CYP2F1: variants seen among roughly 807,000 people sequenced by gnomAD.
The protein encoded by CYP2F1 is cytochrome P450 2F1.
Under a neutral mutation model 40.4 loss-of-function variants are expected in CYP2F1, and 33 were observed. The ratio of observed to expected loss-of-function variants is 0.82; its 90% CI spans 0.62 to 1.09. The LOEUF (loss-of-function observed/expected upper bound fraction) is 1.09. Among genes scored for constraint, CYP2F1 ranks in the 50% least tolerant of loss-of-function variants. The pLI is 0.00. For missense variants in CYP2F1, 566 were observed against 655.7 expected (o/e 0.86, Z 1.49); for synonymous variants, 235 against 277.2 (o/e 0.85, Z 1.51).
chr19:41,123,050 T>C (rs1394559312), intron 7 of CYP2F1, 87 bp downstream of exon 7: 1 of 1,445,634 alleles, frequency 6.9e-7, no homozygotes, highest in Non-Finnish European at 9.5e-7. Context: ...GCCTCCCAGG[T>C]CTGATATAGC....
rs1339055642 is a variant in CYP2F1, at chr19:41,121,617, A to G, written c.644A>G (p.Glu215Gly). 4 of 1,609,222 alleles carry G rather than the reference A, an allele frequency of 2.5e-6. No individual in the cohort carries two copies. Among genetic ancestry groups the G allele is most frequent in the East Asian group, 2.2e-5 (1 of 44,660 alleles). Residue 215 changes from glutamate to glycine, a missense_variant and splice_region_variant, in exon 5 of 10, where the codon GAG (glutamate) becomes GGG (glycine). Around this residue, in one of 5 missense-constraint regions of CYP2F1, gnomAD observed 264 missense variants for 275.7 expected, o/e 0.96. Coordinates refer to ENST00000331105, the MANE Select transcript of CYP2F1 (RefSeq NM_000774.5). ...CAAATCATGAGCAGCCCCTGGGGCGAGGTCAGCCAACTGAGTCCAGCAGGG... is the reference window on the plus strand; with the variant it reads ...CAAATCATGAGCAGCCCCTGGGGCGGGGTCAGCCAACTGAGTCCAGCAGGG... ...NFQIMSSPWG[E>G]LYDIFPSLLD...
rs2032459940 is a variant in CYP2F1, at chr19:41,124,829, T to G, written c.1075T>G (p.Phe359Val). 6.2e-7 allele frequency: 1 copy of G among 1,611,766 alleles called. No individual in the cohort carries two copies. Among genetic ancestry groups the G allele is most frequent in the Admixed American group, 1.7e-5 (1 of 59,954 alleles). Reference sequence around the variant, plus strand: ...CGCGGTGATCCACGAGGTGCAGCGCTTTGCAGACATCATCCCCATGAACTT... The same window carrying G: ...CGCGGTGATCCACGAGGTGCAGCGCGTTGCAGACATCATCCCCATGAACTT... ...TDAVIHEVQR[F>V]ADIIPMNLPH... The change falls in exon 8 of 10, where the codon TTT becomes GTT. Residue 359 changes from phenylalanine to valine, a missense_variant. Transcript: ENST00000331105.
chr19:41,122,699 C>G (rs1283312756), intron 6 of CYP2F1, 123 bp from the exon 7 acceptor site: 52 of 1,019,616 alleles, frequency 5.1e-5, no homozygotes, highest in Non-Finnish European at 6.8e-5. Context: ...CGTTCCCCAG[C>G]TCTCCCAGGG....
rs754800628 is a variant in CYP2F1, at chr19:41,128,013, C to A, written c.1407C>A (p.Asp469Glu). Reference protein sequence around the residue: ...LQPLGAPEDIDLTPLSSGLGN... With the variant: ...LQPLGAPEDIELTPLSSGLGN... ...CGCTGGGTGCGCCCGAGGACATCGA[C>A]CTGACCCCACTCAGCTCAGGTCTTG... The change falls in exon 10 of 10, where the codon GAC becomes GAA. Residue 469 changes from aspartate (D) to glutamate (E), a missense_variant. By Grantham distance (45) the Asp-to-Glu change is conservative. Coordinates refer to ENST00000331105, the MANE Select transcript of CYP2F1 (RefSeq NM_000774.5). 6.0e-5 allele frequency: 96 copies of A among 1,613,118 alleles called. No homozygotes were observed. Among genetic ancestry groups the A allele is most frequent in the Non-Finnish European group, 5.9e-6 (7 of 1,180,018 alleles).
chr19:41,114,850 A>G (rs2031698567), intron 1 of CYP2F1, among the ~76,000 whole-genome samples: 1 of 133,920 alleles, frequency 7.5e-6, no homozygotes. Context: ...GCTCACTGCA[A>G]CCTCCACCTC....
intron 8 of CYP2F1, 191 bp downstream of exon 8, chr19:41,125,097 A>G: frequency 1.7e-6 from 1 of 593,184 alleles, no homozygotes; most frequent in Non-Finnish European, 2.9e-6. Context: ...ACCCCATCTC[A>G]TATCATAGTG....
intron 7 of CYP2F1, 49 bp from the exon 8 acceptor site, chr19:41,124,670 C>A: frequency 6.5e-7 from 1 of 1,546,926 alleles, no homozygotes; most frequent in Non-Finnish European, 8.7e-7. Flanking sequence ...CCTGGTTGCC[C>A]TGTCGCGCCC....
chr19:41,127,146 C>T (rs2144764679), intron 9 of CYP2F1, among the ~76,000 whole-genome samples: 1 of 152,256 alleles, frequency 6.6e-6, no homozygotes, highest in East Asian at 1.9e-4. Context: ...TATGTTACTC[C>T]ACTTCTCTGT....
chr19:41,114,698 C>G (rs974076833), intron 1 of CYP2F1, among the ~76,000 whole-genome samples: 2 of 152,044 alleles, frequency 1.3e-5, no homozygotes, highest in Admixed American at 6.6e-5. Flanking sequence ...CAATGCAACC[C>G]CATGGTTGGC....
chr19:41,126,782 T>TA (rs1369423654), intron 9 of CYP2F1, among the ~76,000 whole-genome samples: 1 of 151,608 alleles, frequency 6.6e-6, no homozygotes, highest in Non-Finnish European at 1.5e-5. Context: ...TAGCCAAAAA[T>TA]AAAAAATATA....
chr19:41,121,403 G>A, intron 4 of CYP2F1, 55 bp from the exon 5 acceptor site: 3 of 1,537,666 alleles, frequency 2.0e-6, no homozygotes, highest in Non-Finnish European at 2.7e-6. Context: ...TGCTGCATGA[G>A]GTCTGGTGTG....
At chr19:41,122,525 C>T (rs2032281474) in intron 6 of CYP2F1, among the ~76,000 whole-genome samples, 1 of 151,762 alleles carries the variant, frequency 6.6e-6, no homozygotes, top group South Asian at 2.1e-4. Context: ...TACACACACA[C>T]ATACACACAT....
intron 3 of CYP2F1, among the ~76,000 whole-genome samples, chr19:41,118,580 A>G (rs1374458313): frequency 6.6e-6 from 1 of 152,198 alleles, no homozygotes; most frequent in African/African-American, 2.4e-5. Context: ...CACCAGATGC[A>G]AAGAGGTGGA....
chr19:41,121,146 C>T (rs2032172694), intron 4 of CYP2F1, among the ~76,000 whole-genome samples: 1 of 151,942 alleles, frequency 6.6e-6, no homozygotes, highest in Admixed American at 6.6e-5. Flanking sequence ...TGTTGTGTTC[C>T]GTGATGCCTG....
chr19:41,121,369 G>A (rs1361787462), intron 4 of CYP2F1, 89 bp from the exon 5 acceptor site: 22 of 1,321,700 alleles, frequency 1.7e-5, no homozygotes, highest in Middle Eastern at 1.9e-4. Context: ...TGGTTGAGTC[G>A]GATGTTGTAC....
chr19:41,115,185 CT>C (rs1323151117), intron 1 of CYP2F1, among the ~76,000 whole-genome samples: 3 of 152,130 alleles, frequency 2.0e-5, no homozygotes, highest in African/African-American at 4.8e-5. Flanking sequence ...GTGACTCTGT[CT>C]TTGTGTATCT....
At chr19:41,124,659 G>A in intron 7 of CYP2F1, 60 bp from the exon 8 acceptor site, 1 of 1,486,612 alleles carries the variant, frequency 6.7e-7, no homozygotes, top group Non-Finnish European at 9.1e-7. Flanking sequence ...CCTCTTATCA[G>A]CCTGGTTGCC....
chr19:41,122,948 T>C lies in CYP2F1; in HGVS notation c.949T>C (p.Tyr317His), dbSNP rs2032316705. The part of the protein sequence containing the change: ...LHHAFLALMK[Y>H]PKVQARVQEE... ...CCACGCCTTCCTGGCACTCATGAAG[T>C]ACCCAAAAGTTCAAGGTGAGGCCCA... is the stretch of plus-strand genomic sequence containing the variant. The change falls in exon 7 of 10, where the codon TAC (tyrosine) becomes CAC (histidine). Residue 317 changes from tyrosine (Y) to histidine (H), a missense_variant. Tyr to His is a moderately conservative substitution (Grantham distance 83). Coordinates refer to ENST00000331105, the MANE Select transcript of CYP2F1 (RefSeq NM_000774.5). The C allele has an allele frequency of 2.5e-6, 4 of 1,613,184 alleles. No homozygotes were observed. Among genetic ancestry groups the C allele is most frequent in the Non-Finnish European group, 2.5e-6 (3 of 1,179,614 alleles).
intron 3 of CYP2F1, among the ~76,000 whole-genome samples, chr19:41,118,579 C>T (rs1158942492): frequency 6.6e-6 from 1 of 152,194 alleles, no homozygotes; most frequent in African/African-American, 2.4e-5. Flanking sequence ...ACACCAGATG[C>T]AAAGAGGTGG....
Sources: allele counts gnomAD v4.1 joint callset (sites outside exome capture counted in the v4.1 genomes callset), GRCh38; gene constraint gnomAD v4.1.1; regional missense constraint gnomAD v4.1.1; transcripts MANE v1.5; gene names NCBI Gene and HGNC (gene_info 2026-07-23, HGNC 2026-07-21).